The following TLE4 variants were observed in gnomAD, a reference collection of about 807,000 sequenced individuals.
The protein encoded by TLE4 is transducin-like enhancer protein 4.
A neutral mutation model predicts 92.8 loss-of-function variants in TLE4; 8 were observed. That is an observed-to-expected ratio of 0.09 (90% CI 0.05 to 0.16). The LOEUF (loss-of-function observed/expected upper bound fraction) is 0.16, where lower values mean the gene tolerates loss of function less well. Ranked by LOEUF, TLE4 falls within the 10% of genes least tolerant of loss-of-function variation. The probability of loss-of-function intolerance (pLI) is 1.00; values close to 1 mark genes in which losing one functional copy is unlikely to be tolerated. For missense variants in TLE4, 675 were observed against 997.6 expected (o/e 0.68, Z 4.36); for synonymous variants, 371 against 374.1 (o/e 0.99, Z 0.10).
rs1461023742 is a variant in TLE4 at position 79,592,213 on chromosome 9, TTCC to T, written c.252+16039_252+16041del. 4.4e-3 allele frequency among the ~76,000 whole-genome samples: 366 copies of T among 83,058 alleles called. 6 individuals are homozygous for T. The highest frequency in any genetic ancestry group is 0.019 in the African/African-American group (299 of 16,086). 54.5% of individuals were successfully genotyped at this position (83,058 alleles called of 152,430 possible). On this transcript the variant is annotated intron_variant, in intron 4 of 19. Transcript: ENST00000376552. ...CTTCTTCTTCTTCTTCTTCTTCTTC[TTCC>T]TCTTCTTCTTCTTCTTCTTCCTTCT...
chr9:79,669,435 T>C (rs1198761385), intron 8 of TLE4, among the ~76,000 whole-genome samples: 1 of 152,196 alleles, frequency 6.6e-6, no homozygotes, highest in Non-Finnish European at 1.5e-5. Context: ...GCAATTAAAA[T>C]GTCTTTTGGA....
chr9:79,708,336 G>T (rs915697209), intron 12 of TLE4, 86 bp downstream of exon 12: 1 of 1,463,704 alleles, frequency 6.8e-7, no homozygotes, highest in African/African-American at 1.4e-5. Flanking sequence ...CATTAAAAGT[G>T]CTAATGACCA....
chr9:79,578,547 G>C (rs1306609859), intron 4 of TLE4, among the ~76,000 whole-genome samples: 2 of 152,114 alleles, frequency 1.3e-5, no homozygotes, highest in South Asian at 2.1e-4. Flanking sequence ...AGACAAACAG[G>C]GTGGAGGTCG....
intron 8 of TLE4, among the ~76,000 whole-genome samples, chr9:79,656,397 T>C (rs1008387310): frequency 1.3e-5 from 2 of 152,228 alleles, no homozygotes; most frequent in Admixed American, 6.5e-5. Flanking sequence ...TAACAGGTAA[T>C]GAACGTGACA....
At chr9:79,708,876 G>A in intron 13 of TLE4, 90 bp downstream of exon 13, 1 of 1,430,790 alleles carries the variant, frequency 7.0e-7, no homozygotes, top group African/African-American at 1.4e-5. Flanking sequence ...CTGTCACCCA[G>A]CCTGGAGTGC....
At chr9:79,688,700 G>A (rs946764288) in intron 8 of TLE4, among the ~76,000 whole-genome samples, 10 of 151,472 alleles carry the variant, frequency 6.6e-5, no homozygotes, top group Middle Eastern at 3.2e-3. Flanking sequence ...GAAGAATGCC[G>A]TATAAAACAT....
chr9:79,688,991 G>A lies in TLE4; in HGVS notation c.610-15792G>A, dbSNP rs983750380. On this transcript the variant is annotated intron_variant, in intron 8 of 19. Coordinates refer to ENST00000376552, the MANE Select transcript of TLE4 (RefSeq NM_007005.6). ...GCAGTGATGACCTCTTCTGTAATGT[G>A]TTGATGAAAAATGAATGAACTCACA... is the stretch of plus-strand genomic sequence containing the variant. 4.6e-5 allele frequency among the ~76,000 whole-genome samples: 7 copies of A among 152,092 alleles called. No individual in the cohort carries two copies. In the East Asian group the frequency reaches 7.8e-4, roughly 17 times the overall value.
intron 15 of TLE4, among the ~76,000 whole-genome samples, chr9:79,719,469 G>A (rs1055928443): frequency 5.3e-5 from 8 of 152,090 alleles, no homozygotes; most frequent in South Asian, 4.1e-4. Flanking sequence ...TAAGATTCCC[G>A]TAACCTCATG....
At chr9:79,682,891 C>G (rs1418873273) in intron 8 of TLE4, among the ~76,000 whole-genome samples, 1 of 152,156 alleles carries the variant, frequency 6.6e-6, no homozygotes, top group African/African-American at 2.4e-5. Context: ...GTTGTGGTGA[C>G]AGTCTTCAGG....
intron 8 of TLE4, among the ~76,000 whole-genome samples, chr9:79,699,521 T>G (rs2069191353): frequency 6.6e-6 from 1 of 152,186 alleles, no homozygotes. Flanking sequence ...TTGACATATT[T>G]TAGTGGTACC....
intron 10 of TLE4, among the ~76,000 whole-genome samples, chr9:79,706,515 G>A (rs1262245187): frequency 6.6e-6 from 1 of 151,440 alleles, no homozygotes; most frequent in Non-Finnish European, 1.5e-5. Context: ...GCAGATGGGT[G>A]GGGTTTTGAT....
chr9:79,649,901 GTTT>G, intron 6 of TLE4: 2 of 1,334,710 alleles, frequency 1.5e-6, no homozygotes, highest in Non-Finnish European at 2.0e-6. Context: ...TGTTGTTGTT[GTTT>G]TTTTGTTTTT....
intron 5 of TLE4, among the ~76,000 whole-genome samples, chr9:79,615,627 G>A (rs775410430): frequency 4.0e-5 from 6 of 149,334 alleles, no homozygotes; most frequent in Admixed American, 6.7e-5. Flanking sequence ...CTGGTTTACC[G>A]CATTTTTTTA....
intron 6 of TLE4, among the ~76,000 whole-genome samples, chr9:79,629,875 G>A (rs908479860): frequency 1.3e-5 from 2 of 152,176 alleles, no homozygotes; most frequent in African/African-American, 4.8e-5. Flanking sequence ...TTGTAACATT[G>A]TAGTATTTTA....
chr9:79,684,248 T>A (rs527901557), intron 8 of TLE4, among the ~76,000 whole-genome samples: 1 of 152,288 alleles, frequency 6.6e-6, no homozygotes, highest in Non-Finnish European at 1.5e-5. Context: ...TAGGCTGGGC[T>A]TGAATTTGCT....
chr9:79,709,707 C>T lies in TLE4; in HGVS notation c.1340+8C>T, dbSNP rs1399010823. ...CATTCCAGGAGGAAAACCGTGAGTA[C>T]CTTTTTGCCTCTGTGCTCATTGTGT... On this transcript the variant is annotated splice_region_variant and intron_variant, in intron 14 of 19. Transcript: ENST00000376552. 1.2e-6 allele frequency: 2 copies of T among 1,613,694 alleles called. No homozygotes were observed. The highest frequency in any genetic ancestry group is 1.7e-6 in the Non-Finnish European group (2 of 1,179,822).
chr9:79,637,568 A>G (rs2056199997), intron 6 of TLE4, among the ~76,000 whole-genome samples: 1 of 152,194 alleles, frequency 6.6e-6, no homozygotes, highest in African/African-American at 2.4e-5. Flanking sequence ...TTGGAAGGAA[A>G]ATGGAAACTG....
chr9:79,646,252 G>A (rs1359120313), intron 6 of TLE4, among the ~76,000 whole-genome samples: 2 of 152,120 alleles, frequency 1.3e-5, no homozygotes, highest in Admixed American at 1.3e-4. Context: ...ATCTTTGCAG[G>A]TTAATTGCTC....
At chr9:79,669,713 T>C (rs1378042712) in intron 8 of TLE4, among the ~76,000 whole-genome samples, 1 of 152,180 alleles carries the variant, frequency 6.6e-6, no homozygotes, top group African/African-American at 2.4e-5. Context: ...CTTTGTGTAA[T>C]TGTGCTTGTT....
Sources: gnomAD v4.1 joint callset for allele counts (sites outside exome capture counted in the v4.1 genomes callset) on GRCh38, gnomAD v4.1.1 for gene constraint, MANE v1.5 for transcripts, NCBI Gene and HGNC (gene_info 2026-07-23, HGNC 2026-07-21) for gene names.